Variants in BTRC observed in about 807,000 individuals in gnomAD.
The protein encoded by BTRC is beta-transducin repeat containing E3 ubiquitin protein ligase, also known as F-box/WD repeat-containing protein 1A.
A neutral mutation model predicts 85.5 loss-of-function variants in BTRC; 42 were observed. The ratio of observed to expected loss-of-function variants is 0.49; its 90% CI spans 0.38 to 0.64. The LOEUF is 0.64. BTRC is among the 30% of genes least tolerant of loss of function. BTRC has a pLI of 0.00. For missense variants in BTRC, 594 were observed against 743.5 expected, an observed-to-expected ratio of 0.80 and a Z score of 2.34; for synonymous variants, 255 against 263.3, an observed-to-expected ratio of 0.97 and a Z score of 0.30.
chr10:101,440,666 G>A (rs968915944), intron 2 of BTRC, among the ~76,000 whole-genome samples: 1 of 151,960 alleles, frequency 6.6e-6, no homozygotes, highest in Non-Finnish European at 1.5e-5. Context: ...TGGTTGCAGT[G>A]AGCCGAAATC....
At position 101,385,632 on chromosome 10, in the gene BTRC, T is replaced by TG. The variant is rs1554865850; in HGVS notation, c.48+31404_48+31405insG. On this transcript the variant is annotated intron_variant, in intron 1 of 14. Transcript: ENST00000370187. ...TTCTTCTTCTTCTTTTTTTTTTTTTTTGTGTGTTCTTCTACTTGATAATTC... is the reference window on the plus strand; with the variant it reads ...TTCTTCTTCTTCTTTTTTTTTTTTTTGTGTGTGTTCTTCTACTTGATAATTC... 4.1e-4 allele frequency among the ~76,000 whole-genome samples: 59 copies of TG among 143,948 alleles called. 1 individual carries two copies. The highest frequency in any genetic ancestry group is 5.6e-4 in the Non-Finnish European group (37 of 65,910). 94.4% of individuals were successfully genotyped at this position (143,948 alleles called of 152,430 possible).
intron 2 of BTRC, among the ~76,000 whole-genome samples, chr10:101,461,081 T>C (rs566428378): frequency 6.6e-6 from 1 of 152,218 alleles, no homozygotes; most frequent in South Asian, 2.1e-4. Flanking sequence ...TTTGTATTTT[T>C]AGTAGAGACA....
chr10:101,533,104 A>T (rs1348846512), intron 9 of BTRC, 34 bp downstream of exon 9: 1 of 1,441,356 alleles, frequency 6.9e-7, no homozygotes, highest in Non-Finnish European at 9.8e-7. Flanking sequence ...TGAACTCTGA[A>T]ATATCAGCTC....
chr10:101,420,978 C>T (rs1365961067), intron 1 of BTRC, among the ~76,000 whole-genome samples: 1 of 150,198 alleles, frequency 6.7e-6, no homozygotes, highest in Non-Finnish European at 1.5e-5. Flanking sequence ...CTCATATTTT[C>T]ATGCCATATT....
At chr10:101,450,089 G>A (rs996833843) in intron 2 of BTRC, among the ~76,000 whole-genome samples, 4 of 148,456 alleles carry the variant, frequency 2.7e-5, no homozygotes, top group African/African-American at 7.4e-5. Context: ...AAAAAAACCT[G>A]TAAAGTTTAA....
intron 2 of BTRC, among the ~76,000 whole-genome samples, chr10:101,461,240 C>T (rs1945217028): frequency 6.6e-6 from 1 of 152,098 alleles, no homozygotes; most frequent in Non-Finnish European, 1.5e-5. Context: ...ATTAATGTTA[C>T]TAATGTTGTT....
chr10:101,401,935 T>A (rs1943503610), intron 1 of BTRC, among the ~76,000 whole-genome samples: 1 of 152,138 alleles, frequency 6.6e-6, no homozygotes, highest in African/African-American at 2.4e-5. Context: ...AATGTTGATG[T>A]TAGAAAAATT....
intron 4 of BTRC, among the ~76,000 whole-genome samples, chr10:101,488,139 C>A (rs1946038388): frequency 6.6e-6 from 1 of 152,160 alleles, no homozygotes; most frequent in Non-Finnish European, 1.5e-5. Context: ...TGTCAGCCTC[C>A]TCTCTCCTCA....
At chr10:101,383,862 T>C (rs868741149) in intron 1 of BTRC, among the ~76,000 whole-genome samples, 3 of 152,256 alleles carry the variant, frequency 2.0e-5, no homozygotes, top group Middle Eastern at 3.4e-3. Flanking sequence ...AAAATGGTTA[T>C]AGGGTATTTT....
chr10:101,375,622 G>A (rs1432934671), intron 1 of BTRC, among the ~76,000 whole-genome samples: 2 of 152,294 alleles, frequency 1.3e-5, no homozygotes, highest in Middle Eastern at 3.4e-3. Context: ...GCAAAGCGTT[G>A]CTTCAAGCTT....
At chr10:101,420,304 T>C (rs755026367) in intron 1 of BTRC, among the ~76,000 whole-genome samples, 6 of 152,142 alleles carry the variant, frequency 3.9e-5, no homozygotes, top group Non-Finnish European at 7.3e-5. Context: ...CATCTCCTGT[T>C]GCTGACATAT....
At chr10:101,371,196 T>C (rs994132503) in intron 1 of BTRC, among the ~76,000 whole-genome samples, 45 of 144,314 alleles carry the variant, frequency 3.1e-4, no homozygotes, top group Middle Eastern at 3.7e-3. Context: ...GTTTTTTTTT[T>C]CCCCCAGAGA....
intron 2 of BTRC, among the ~76,000 whole-genome samples, chr10:101,433,223 T>C (rs1379940284): frequency 6.6e-6 from 1 of 152,188 alleles, no homozygotes; most frequent in Admixed American, 6.5e-5. Flanking sequence ...TTTGGCAACA[T>C]TGTGTTGAAT....
At chr10:101,406,663 A>AG (rs1201928482) in intron 1 of BTRC, among the ~76,000 whole-genome samples, 1 of 148,448 alleles carries the variant, frequency 6.7e-6, no homozygotes, top group Non-Finnish European at 1.5e-5. Flanking sequence ...CCTCCCAAGT[A>AG]GCTGGAGTTA....
chr10:101,436,173 A>G (rs943942824), intron 2 of BTRC, among the ~76,000 whole-genome samples: 2 of 152,226 alleles, frequency 1.3e-5, no homozygotes, highest in Non-Finnish European at 2.9e-5. Context: ...GTTGATTACC[A>G]GTAGATATAT....
intron 2 of BTRC, among the ~76,000 whole-genome samples, chr10:101,459,570 C>T (rs1945168508): frequency 6.6e-6 from 1 of 152,154 alleles, no homozygotes; most frequent in African/African-American, 2.4e-5. Context: ...ATTAAAAGAA[C>T]ATACCAATGT....
intron 6 of BTRC, 73 bp downstream of exon 6, chr10:101,526,272 G>T: frequency 7.2e-7 from 1 of 1,392,302 alleles, no homozygotes; most frequent in African/African-American, 1.4e-5. Context: ...AAGATTTTTG[G>T]GGAGCCAATG....
intron 1 of BTRC, among the ~76,000 whole-genome samples, chr10:101,386,264 G>A (rs1943076789): frequency 6.6e-6 from 1 of 152,168 alleles, no homozygotes; most frequent in African/African-American, 2.4e-5. Flanking sequence ...TGCCCAGCAA[G>A]GTCAGTTTAC....
Position 101,538,274 on chromosome 10 carries a change from TC to T in BTRC, c.1578-15del. ...CATTTGCTTTTAACTAACATTTTTG[TC>T]CCCTTTTTGATCTTTAGAAAAATTA... On this transcript the variant is annotated intron_variant, in intron 12 of 14. Coordinates refer to ENST00000370187, the MANE Select transcript of BTRC (RefSeq NM_033637.4). The T allele has an allele frequency of 1.2e-6, 2 of 1,607,500 alleles. No individual in the cohort carries two copies. The highest frequency in any genetic ancestry group is 1.7e-6 in the Non-Finnish European group (2 of 1,173,984).
Sources: allele counts gnomAD v4.1 joint callset (sites outside exome capture counted in the v4.1 genomes callset), GRCh38; gene constraint gnomAD v4.1.1; transcripts MANE v1.5; gene names NCBI Gene and HGNC (gene_info 2026-07-23, HGNC 2026-07-21).